The following GADD45A variants were observed in gnomAD, a reference collection of about 807,000 sequenced individuals.
GADD45A encodes growth arrest and DNA damage inducible alpha.
Under a neutral mutation model 17.7 loss-of-function variants are expected in GADD45A, and 9 were observed. The ratio of observed to expected loss-of-function variants is 0.51; its 90% CI spans 0.31 to 0.89. The LOEUF (loss-of-function observed/expected upper bound fraction) is 0.89, where lower values mean the gene tolerates loss of function less well. Among genes scored for constraint, GADD45A ranks in the 40% least tolerant of loss-of-function variants. The pLI is 0.05. For missense variants in GADD45A, 149 were observed against 220.6 expected (o/e 0.68, Z 2.06); for synonymous variants, 95 against 92.2 (o/e 1.03, Z -0.17).
At position 67,686,605 on chromosome 1, in the gene GADD45A, T is replaced by A. The variant is rs780554489; in HGVS notation, c.384+18T>A. On this transcript the variant is annotated intron_variant, in intron 3 of 3. Transcript: ENST00000370986. ...TGGTGACGGTAAGGGACTGGGGGAC[T>A]GCAGCCTGCAGGGTAGAGCCCCGGA... 1 of 1,597,760 alleles carries A rather than the reference T, an allele frequency of 6.3e-7. No individual in the cohort carries two copies. Among genetic ancestry groups the A allele is most frequent in the Non-Finnish European group, 8.5e-7 (1 of 1,169,698 alleles).
At chr1:67,687,162 A>C (rs1646140646) in intron 3 of GADD45A, among the ~76,000 whole-genome samples, 1 of 151,992 alleles carries the variant, frequency 6.6e-6, no homozygotes, top group African/African-American at 2.4e-5. Context: ...TTGTCTTCTA[A>C]ATTTTGCTCT....
intron 1 of GADD45A, 79 bp downstream of exon 1, chr1:67,685,617 GGCTT>G: frequency 7.0e-7 from 1 of 1,422,296 alleles, no homozygotes; most frequent in Admixed American, 1.9e-5. Flanking sequence ...GGCTGTGGAA[GGCTT>G]GCAGGGGAGG....
At chr1:67,686,683 G>A (rs996983006) in intron 3 of GADD45A, 96 bp downstream of exon 3, 1 of 1,034,756 alleles carries the variant, frequency 9.7e-7, no homozygotes, top group Non-Finnish European at 1.4e-6. Context: ...GTAGGTGGGG[G>A]TCAGGAGGGT....
rs762956812 is a variant in GADD45A, at chr1:67,688,136, A to G, written c.*362A>G. On this transcript the variant is annotated 3_prime_UTR_variant, in exon 4 of 4. Coordinates refer to ENST00000370986, the MANE Select transcript of GADD45A (RefSeq NM_001924.4). ...GCCATAGTTTGGGTATTTTTGGTTTATATGCCCTCAAGTAAAAGAAAAGCC... is the reference window on the plus strand; with the variant it reads ...GCCATAGTTTGGGTATTTTTGGTTTGTATGCCCTCAAGTAAAAGAAAAGCC... 8 of 173,712 alleles carry G rather than the reference A, an allele frequency of 4.6e-5. No homozygotes were observed. The highest frequency in any genetic ancestry group is 7.3e-5 in the Non-Finnish European group (6 of 82,198). The allele number at this position is 173,712 out of a possible 1,614,324, so 10.8% of individuals were successfully genotyped here.
chr1:67,686,301 T>C (rs765256224), intron 2 of GADD45A, 49 bp from the exon 3 acceptor site: 1 of 1,559,048 alleles, frequency 6.4e-7, no homozygotes, highest in East Asian at 2.3e-5. Context: ...GGGCAGTGGT[T>C]GAGGGCGCCC....
Position 67,687,737 on chromosome 1 carries a change from A to T in GADD45A, c.461A>T (p.Asp154Val), listed in dbSNP as rs1393218829. 2 of 1,612,668 alleles carry T rather than the reference A, an allele frequency of 1.2e-6. No individual in the cohort carries two copies. The highest frequency in any genetic ancestry group is 1.1e-5 in the South Asian group (1 of 91,024). ...TTTTGCCGGGAAAGTCGCTACATGG[A>T]TCAATGGGTTCCAGTGATTAATCTC... ...ICFCRESRYMDQWVPVINLPE... is the reference protein window; with the variant it reads ...ICFCRESRYMVQWVPVINLPE... Residue 154 changes from aspartate to valine, a missense_variant, in exon 4 of 4, where the codon GAT becomes GTT. Asp to Val is a radical substitution (Grantham distance 152, BLOSUM62 -3). Transcript: ENST00000370986.
rs775470989 is a variant in GADD45A, at chr1:67,687,784, A to T, written c.*10A>T. ...TCTCCCTGAACGGTGATGGCATCTG[A>T]ATGAAAATAACTGAACCAAATTGCA... On this transcript the variant is annotated 3_prime_UTR_variant, in exon 4 of 4. Coordinates refer to ENST00000370986, the MANE Select transcript of GADD45A (RefSeq NM_001924.4). 3 of 1,553,644 alleles carry T rather than the reference A, an allele frequency of 1.9e-6. No homozygotes were observed. Among genetic ancestry groups the T allele is most frequent in the Non-Finnish European group, 2.7e-6 (3 of 1,126,620 alleles).
intron 3 of GADD45A, among the ~76,000 whole-genome samples, chr1:67,687,282 GCT>G (rs1433048742): frequency 6.6e-6 from 1 of 152,152 alleles, no homozygotes; most frequent in Admixed American, 6.5e-5. Flanking sequence ...CTGCTGTGCA[GCT>G]CTCATCTCAT....
intron 3 of GADD45A, 41 bp downstream of exon 3, chr1:67,686,628 G>A (rs1285710341): frequency 2.6e-6 from 4 of 1,538,794 alleles, no homozygotes; most frequent in Non-Finnish European, 3.5e-6. Flanking sequence ...GTAGAGCCCC[G>A]GAAGGACGGG....
chr1:67,686,299 G>T, intron 2 of GADD45A, 51 bp from the exon 3 acceptor site: 1 of 1,557,410 alleles, frequency 6.4e-7, no homozygotes, highest in South Asian at 1.1e-5. Flanking sequence ...CCGGGCAGTG[G>T]TTGAGGGCGC....
At position 67,687,707 on chromosome 1, in the gene GADD45A, T is replaced by C. The variant is rs1349118889; in HGVS notation, c.431T>C (p.Ile144Thr). ...QWKDPALSQL[I>T]CFCRESRYMD... Reference sequence around the variant, plus strand: ...AAGGATCCTGCCTTAAGTCAACTTATTTGTTTTTGCCGGGAAAGTCGCTAC... The same window carrying C: ...AAGGATCCTGCCTTAAGTCAACTTACTTGTTTTTGCCGGGAAAGTCGCTAC... Residue 144 changes from isoleucine to threonine, a missense_variant, in exon 4 of 4, where the codon ATT becomes ACT. Ile to Thr is a moderately conservative substitution (Grantham distance 89). Transcript: ENST00000370986. 4 of 1,613,482 alleles carry C rather than the reference T, an allele frequency of 2.5e-6. No homozygotes were observed. The South Asian group carries it at 3.3e-5, about 13-fold the overall frequency.
chr1:67,686,665 G>A, intron 3 of GADD45A, 78 bp downstream of exon 3: 1 of 1,316,120 alleles, frequency 7.6e-7, no homozygotes, highest in Non-Finnish European at 1.0e-6. Context: ...CCTGATTGTG[G>A]ATCTGTGGTA....
In GADD45A at chr1:67,685,201, A is replaced by G. The variant is rs1018065505; in HGVS notation, c.-294A>G. 47 of 440,972 alleles carry G rather than the reference A, an allele frequency of 1.1e-4. No individual in the cohort carries two copies. In the East Asian group the frequency reaches 1.9e-3, roughly 18 times the overall value. 27.3% of individuals were successfully genotyped at this position (440,972 alleles called of 1,614,324 possible). ...CGGAGAGCGGGGCCCTTTGTCCTCC[A>G]GTGGCTGGTAGGCAGTGGCTGGGAG... is the stretch of plus-strand genomic sequence containing the variant. On this transcript the variant is annotated 5_prime_UTR_variant, in exon 1 of 4. Transcript: ENST00000370986.
intron 3 of GADD45A, among the ~76,000 whole-genome samples, chr1:67,687,149 C>A (rs576463175): frequency 3.6e-4 from 54 of 151,032 alleles, no homozygotes; most frequent in Non-Finnish European, 7.1e-4. Flanking sequence ...AAATGTGCTA[C>A]TTTTGTCTTC....
In GADD45A at chr1:67,685,247, G is replaced by A; in HGVS notation, c.-248G>A. 1 of 501,774 alleles carries A rather than the reference G, an allele frequency of 2.0e-6. No individual in the cohort carries two copies. The highest frequency in any genetic ancestry group is 3.5e-6 in the Non-Finnish European group (1 of 286,456). 31.1% of individuals were successfully genotyped at this position (501,774 alleles called of 1,614,324 possible). A position where few individuals can be genotyped will look rare whatever the true frequency, so the allele number is the denominator to read the frequency against. Reference sequence around the variant, plus strand: ...GGGAGGCAGCGGCCCAATTAGTGTCGTGCGGCCCGTGGCGAGGCGAGGTCC... The same window carrying A: ...GGGAGGCAGCGGCCCAATTAGTGTCATGCGGCCCGTGGCGAGGCGAGGTCC... On this transcript the variant is annotated 5_prime_UTR_variant, in exon 1 of 4. In the 5' UTR this introduces an upstream ATG that the reference lacks. Coordinates refer to ENST00000370986, the MANE Select transcript of GADD45A (RefSeq NM_001924.4).
intron 3 of GADD45A, 63 bp downstream of exon 3, chr1:67,686,650 G>A (rs1646136352): frequency 7.0e-7 from 1 of 1,432,778 alleles, no homozygotes; most frequent in African/African-American, 1.4e-5. Flanking sequence ...GTCAGGGCTG[G>A]GTTGCCTGAT....
chr1:67,686,634 AC>A lies in GADD45A; in HGVS notation c.384+48del, dbSNP rs1239187046. On this transcript the variant is annotated intron_variant, in intron 3 of 3. Coordinates refer to ENST00000370986, the MANE Select transcript of GADD45A (RefSeq NM_001924.4). Reference sequence around the variant, plus strand: ...GCCTGCAGGGTAGAGCCCCGGAAGGACGGGAGTCAGGGCTGGGTTGCCTGAT... The same window carrying A: ...GCCTGCAGGGTAGAGCCCCGGAAGGAGGGAGTCAGGGCTGGGTTGCCTGAT... 2.0e-6 allele frequency: 3 copies of A among 1,528,656 alleles called. No homozygotes were observed. The East Asian group carries it at 7.0e-5, about 36-fold the overall frequency. The allele number at this position is 1,528,656 out of a possible 1,614,324, so 94.7% of individuals were successfully genotyped here.
chr1:67,686,174 G>C (rs530764267), intron 2 of GADD45A, 48 bp downstream of exon 2: 1 of 1,508,864 alleles, frequency 6.6e-7, no homozygotes, highest in African/African-American at 1.4e-5. Context: ...TCCCGCCCCA[G>C]CCCGGGAGGT....
At position 67,685,463 on chromosome 1, in the gene GADD45A, G is replaced by T; in HGVS notation, c.-32G>T. ...GTGGCAGGAGCAGCCCGCACGCCGCGCTCTCTCCCTGGGCGACCTGCAGTT... is the reference window on the plus strand; with the variant it reads ...GTGGCAGGAGCAGCCCGCACGCCGCTCTCTCTCCCTGGGCGACCTGCAGTT... On this transcript the variant is annotated 5_prime_UTR_variant, in exon 1 of 4. Transcript: ENST00000370986. 1.3e-6 allele frequency: 2 copies of T among 1,595,500 alleles called. No homozygotes were observed. Among genetic ancestry groups the T allele is most frequent in the Admixed American group, 1.7e-5 (1 of 58,132 alleles).
Sources: gnomAD v4.1 joint callset for allele counts (sites outside exome capture counted in the v4.1 genomes callset) on GRCh38, gnomAD v4.1.1 for gene constraint, MANE v1.5 for transcripts, NCBI Gene and HGNC (gene_info 2026-07-23, HGNC 2026-07-21) for gene names.